The following OR51E2 variants were observed in gnomAD, a reference collection of about 807,000 sequenced individuals.
The protein encoded by OR51E2 is olfactory receptor 51E2.
OR51E2 carries 14 observed loss-of-function variants against 13.7 expected under a neutral mutation model. The observed-to-expected ratio is 1.02, with a 90% CI of 0.68 to 1.60. OR51E2 has a LOEUF of 1.60. Ranked by LOEUF, OR51E2 falls within the 40% of genes most tolerant of loss-of-function variation. The pLI is 0.00. For synonymous variants in OR51E2, 180 were observed against 157.6 expected (o/e 1.14, Z -1.07); for missense variants, 483 against 413.8 (o/e 1.17, Z -1.45).
chr11:4,685,741 T>C (rs1847507171), intron 1 of OR51E2: 1 of 152,202 alleles, frequency 6.6e-6, no homozygotes, highest in Non-Finnish European at 1.5e-5. Flanking sequence ...GTCAAAGGCT[T>C]ACAATGTTAT....
intron 1 of OR51E2, among the ~76,000 whole-genome samples, chr11:4,684,270 G>C (rs1822836978): frequency 6.6e-6 from 1 of 152,076 alleles, no homozygotes; most frequent in South Asian, 2.1e-4. Context: ...CCCATATTTG[G>C]CTCCCAGTTG....
chr11:4,691,328 A>G (rs1489885699), intron 1 of OR51E2: 1 of 457,678 alleles, frequency 2.2e-6, no homozygotes, highest in Admixed American at 2.3e-5. Flanking sequence ...AGACGGCCAC[A>G]AAACGATCAA....
At chr11:4,693,442 C>T (rs1309928260) in intron 1 of OR51E2, among the ~76,000 whole-genome samples, 4 of 152,176 alleles carry the variant, frequency 2.6e-5, no homozygotes, top group Admixed American at 1.3e-4. Context: ...GTTGAGCAGG[C>T]TGGGCGCGGT....
In OR51E2 at chr11:4,682,480, G is replaced by T. The variant is rs1336330792; in HGVS notation, c.232C>A (p.Pro78Thr). 6.2e-7 allele frequency: 1 copy of T among 1,614,212 alleles called. No homozygotes were observed. The highest frequency in any genetic ancestry group is 1.7e-5 in the Admixed American group (1 of 60,036). ...IDLALSTSTM[P>T]KILALFWFDS... ...AACCAGAAAAGGGCAAGGATCTTAG[G>T]CATGGTGGATGTGGATAAGGCCAGG... is the stretch of plus-strand genomic sequence containing the variant. The change falls in exon 2 of 2, where the codon CCT (proline) becomes ACT (threonine). Residue 78 changes from proline (P) to threonine (T), a missense_variant. Physicochemically the swap from Pro to Thr is conservative, Grantham distance 38. Coordinates refer to ENST00000396950, the MANE Select transcript of OR51E2 (RefSeq NM_030774.4).
At chr11:4,697,207 G>A (rs539429839) in intron 1 of OR51E2, among the ~76,000 whole-genome samples, 6 of 152,194 alleles carry the variant, frequency 3.9e-5, no homozygotes, top group South Asian at 2.1e-4. Context: ...TCCAAAGCTC[G>A]TGCTCTCAAA....
At chr11:4,692,120 G>T in intron 1 of OR51E2, 1 of 447,456 alleles carries the variant, frequency 2.2e-6, no homozygotes, top group South Asian at 1.6e-5. Flanking sequence ...TGGCACCAGA[G>T]AAAAATACAC....
chr11:4,686,234 T>C (rs1382194425), intron 1 of OR51E2, among the ~76,000 whole-genome samples: 1 of 152,162 alleles, frequency 6.6e-6, no homozygotes, highest in Non-Finnish European at 1.5e-5. Context: ...CAGATTTTTA[T>C]AGGAACTTGA....
At chr11:4,694,746 G>A (rs557231426) in intron 1 of OR51E2, among the ~76,000 whole-genome samples, 1 of 152,126 alleles carries the variant, frequency 6.6e-6, no homozygotes, top group Non-Finnish European at 1.5e-5. Flanking sequence ...TAGTTGTAGA[G>A]TGTATAAGGA....
At chr11:4,690,344 C>A (rs555642769) in intron 1 of OR51E2, 3 of 152,474 alleles carry the variant, frequency 2.0e-5, no homozygotes, top group African/African-American at 7.3e-5. Context: ...AAATGGCAAT[C>A]GAAATTACTA....
At position 4,682,633 on chromosome 11, in the gene OR51E2, C is replaced by T; in HGVS notation, c.79G>A (p.Gly27Ser). ...PGLEKAHFWVGFPLLSMYVVA... is the reference protein window; with the variant it reads ...PGLEKAHFWVSFPLLSMYVVA... ...ACATACATGGAAAGGAGGGGGAAGC[C>T]AACCCAGAAATGGGCTTTCTCTAAT... Residue 27 changes from glycine to serine, a missense_variant, in exon 2 of 2, where the codon GGC becomes AGC. Coordinates refer to ENST00000396950, the MANE Select transcript of OR51E2 (RefSeq NM_030774.4). The T allele has an allele frequency of 6.2e-7, 1 of 1,614,156 alleles. No individual in the cohort carries two copies. Among genetic ancestry groups the T allele is most frequent in the African/African-American group, 1.3e-5 (1 of 75,038 alleles).
chr11:4,691,148 A>C (rs1458842730), intron 1 of OR51E2: 1 of 456,732 alleles, frequency 2.2e-6, no homozygotes, highest in Non-Finnish European at 4.4e-6. Context: ...GCTTCATCAC[A>C]TCAGGGTGGT....
intron 1 of OR51E2, among the ~76,000 whole-genome samples, chr11:4,689,252 A>G (rs1253537528): frequency 2.0e-5 from 3 of 152,222 alleles, no homozygotes; most frequent in Admixed American, 1.3e-4. Flanking sequence ...TTACAGTACT[A>G]TAAATACTAT....
intron 1 of OR51E2, among the ~76,000 whole-genome samples, chr11:4,686,734 A>G (rs777603492): frequency 2.6e-5 from 4 of 152,114 alleles, no homozygotes; most frequent in Non-Finnish European, 4.4e-5. Context: ...TCACGTAGCT[A>G]CAACAGTGGC....
intron 1 of OR51E2, among the ~76,000 whole-genome samples, chr11:4,685,300 C>T (rs970770094): frequency 1.3e-5 from 2 of 152,150 alleles, no homozygotes; most frequent in African/African-American, 2.4e-5. Flanking sequence ...CTGCCTCTTC[C>T]ATCACTTCCA....
intron 1 of OR51E2, among the ~76,000 whole-genome samples, chr11:4,695,280 A>G (rs1408704770): frequency 6.6e-6 from 1 of 152,180 alleles, no homozygotes; most frequent in African/African-American, 2.4e-5. Context: ...AATGCCAACA[A>G]AATTCCTTTC....
In OR51E2 at chr11:4,696,721, G is replaced by A. The variant is rs574163194; in HGVS notation, c.-51+932C>T. Among the ~76,000 whole-genome samples the A allele has an allele frequency of 3.3e-5, 5 of 152,208 alleles. No homozygotes were observed. The South Asian group carries it at 1.0e-3, about 32-fold the overall frequency. On this transcript the variant is annotated intron_variant, in intron 1 of 1. Transcript: ENST00000396950. ...TTTCATTTTCTCTCTTGTGAAATAA[G>A]CTATATTCTCTCAACTAATTTTTCT...
intron 1 of OR51E2, among the ~76,000 whole-genome samples, chr11:4,689,941 A>C (rs1392542637): frequency 2.7e-5 from 4 of 149,420 alleles, no homozygotes; most frequent in Non-Finnish European, 5.9e-5. Context: ...TCCTAGTAAA[A>C]ATTGCCTGAA....
chr11:4,690,153 A>G (rs1232395784), intron 1 of OR51E2, among the ~76,000 whole-genome samples: 1 of 151,418 alleles, frequency 6.6e-6, no homozygotes, highest in Non-Finnish European at 1.5e-5. Context: ...GTCAGTCTGC[A>G]TGGATGTGCT....
intron 1 of OR51E2, chr11:4,690,668 A>T: frequency 3.0e-6 from 1 of 329,184 alleles, no homozygotes; most frequent in Non-Finnish European, 5.9e-6. Flanking sequence ...AATGGGCACC[A>T]GTTCTTTGGT....
Sources: gnomAD v4.1 joint callset for allele counts (sites outside exome capture counted in the v4.1 genomes callset) on GRCh38, gnomAD v4.1.1 for gene constraint, MANE v1.5 for transcripts, NCBI Gene and HGNC (gene_info 2026-07-23, HGNC 2026-07-21) for gene names.